RAF1: variants seen among roughly 807,000 people sequenced by gnomAD.
The protein encoded by RAF1 is RAF proto-oncogene serine/threonine-protein kinase.
In RAF1, 27 loss-of-function variants were observed where a neutral mutation model predicts 81.1. That is an observed-to-expected ratio of 0.33 (90% CI 0.25 to 0.46). The LOEUF is 0.46. Among genes scored for constraint, RAF1 ranks in the 20% least tolerant of loss-of-function variants. The pLI is 1.00. For missense variants in RAF1, 598 were observed against 826.0 expected (o/e 0.72, Z 3.38); for synonymous variants, 298 against 294.0 (o/e 1.01, Z -0.14).
intron 1 of RAF1, among the ~76,000 whole-genome samples, chr3:12,658,783 T>C (rs1436464843): frequency 1.3e-5 from 2 of 152,202 alleles, no homozygotes; most frequent in African/African-American, 4.8e-5. Flanking sequence ...TAAAACCGTG[T>C]GTCAAGTGTT....
intron 2 of RAF1, among the ~76,000 whole-genome samples, chr3:12,613,273 C>A (rs1559440323): frequency 6.6e-6 from 1 of 152,124 alleles, no homozygotes; most frequent in Non-Finnish European, 1.5e-5. Flanking sequence ...AAGAATTAAT[C>A]AAAAGTAAGG....
At chr3:12,629,556 T>C (rs1559462487) in intron 1 of RAF1, among the ~76,000 whole-genome samples, 2 of 152,200 alleles carry the variant, frequency 1.3e-5, no homozygotes, top group African/African-American at 4.8e-5. Context: ...GAGGAATCTA[T>C]GGACCATAAA....
rs1024191560 is a variant in RAF1 at position 12,583,754 on chromosome 3, G to C, written c.*760C>G. 4 of 232,886 alleles carry C rather than the reference G, an allele frequency of 1.7e-5. No homozygotes were observed. The highest frequency in any genetic ancestry group is 3.4e-5 in the Non-Finnish European group (4 of 117,910). 14.4% of individuals were successfully genotyped at this position (232,886 alleles called of 1,614,324 possible). A position where few individuals can be genotyped will look rare whatever the true frequency, so the allele number is the denominator to read the frequency against. ...TCCTTGTATACACATGATGTGACTA[G>C]AGAAACAAGGCTGTTTGTTTGTTTG... On this transcript the variant is annotated 3_prime_UTR_variant, in exon 18 of 18. Coordinates refer to ENST00000442415, the MANE Select transcript of RAF1 (RefSeq NM_001354689.3).
chr3:12,600,190 GCT>G lies in RAF1; in HGVS notation c.1010_1011del (p.Glu337AlafsTer14). The G allele has an allele frequency of 6.2e-7, 1 of 1,614,124 alleles. No individual in the cohort carries two copies. The highest frequency in any genetic ancestry group is 1.3e-5 in the African/African-American group (1 of 75,026). On this transcript the variant is annotated frameshift_variant, in exon 10 of 18. Coordinates refer to ENST00000442415, the MANE Select transcript of RAF1 (RefSeq NM_001354689.3). LOFTEE classifies it high-confidence loss of function. ...TCCTGGGTCCCAGATACTGGTGCCC[GCT>G]CTCTTTGTGCTGGCACGGGGGTTTT...
intron 5 of RAF1, 64 bp downstream of exon 5, chr3:12,608,702 A>G: frequency 1.3e-6 from 2 of 1,548,532 alleles, no homozygotes; most frequent in Non-Finnish European, 1.8e-6. Flanking sequence ...TCTACAACAA[A>G]TACCCTTTAA....
intron 5 of RAF1, among the ~76,000 whole-genome samples, chr3:12,607,835 G>A (rs1016209488): frequency 1.7e-4 from 25 of 149,802 alleles, no homozygotes; most frequent in African/African-American, 5.9e-4. Context: ...CCTGTAGTCT[G>A]AGCTACTCGG....
At chr3:12,629,296 G>A (rs1326790379) in intron 1 of RAF1, among the ~76,000 whole-genome samples, 1 of 152,074 alleles carries the variant, frequency 6.6e-6, no homozygotes, top group Non-Finnish European at 1.5e-5. Flanking sequence ...AGCTTGTTTG[G>A]CTATCTGAAC....
chr3:12,586,388 G>A (rs2058333756), intron 14 of RAF1, among the ~76,000 whole-genome samples: 1 of 151,998 alleles, frequency 6.6e-6, no homozygotes, highest in South Asian at 2.1e-4. Flanking sequence ...TACAGTTTAA[G>A]TCAAACTTGT....
At chr3:12,642,302 A>T (rs2060211989) in intron 1 of RAF1, among the ~76,000 whole-genome samples, 1 of 150,684 alleles carries the variant, frequency 6.6e-6, no homozygotes, top group Non-Finnish European at 1.5e-5. Context: ...TACAAAAAAA[A>T]AAAACCCCAA....
At chr3:12,604,036 C>T (rs2058946937) in intron 7 of RAF1, 100 bp downstream of exon 7, 2 of 1,355,996 alleles carry the variant, frequency 1.5e-6, no homozygotes, top group South Asian at 1.2e-5. Flanking sequence ...GAAAGTGTTG[C>T]AACATTCCTT....
In RAF1 at chr3:12,606,239, C is replaced by T. The variant is rs2125406640; in HGVS notation, c.642G>A (p.Met214Ile). The T allele has an allele frequency of 5.0e-6, 8 of 1,614,054 alleles. No individual in the cohort carries two copies. Among genetic ancestry groups the T allele is most frequent in the Non-Finnish European group, 6.8e-6 (8 of 1,179,918 alleles). The change falls in exon 6 of 18, where the codon ATG (methionine) becomes ATA (isoleucine). Residue 214 changes from methionine (M) to isoleucine (I), a missense_variant. By Grantham distance (10) the Met-to-Ile change is conservative. Transcript: ENST00000442415. ...TGGAAACAGACTCTCGCATACGACG[C>T]ATAGTCAAAGAAGGTAGTGCTGGGA...
intron 2 of RAF1, among the ~76,000 whole-genome samples, chr3:12,617,425 A>G (rs1308537721): frequency 1.3e-5 from 2 of 151,652 alleles, no homozygotes; most frequent in Admixed American, 6.6e-5. Context: ...TACTTTTTTG[A>G]ATTTTTTTTT....
At chr3:12,652,044 AAATAAATAAATG>A (rs1175577650) in intron 1 of RAF1, among the ~76,000 whole-genome samples, 16 of 149,870 alleles carry the variant, frequency 1.1e-4, no homozygotes, top group South Asian at 4.2e-4. Flanking sequence ...ATAAATAAAT[AAATAAATAAATG>A]ATATAAAAAA....
intron 1 of RAF1, among the ~76,000 whole-genome samples, chr3:12,634,318 T>TC (rs1221148320): frequency 4.0e-5 from 6 of 151,866 alleles, no homozygotes; most frequent in Admixed American, 2.0e-4. Context: ...GGCTAATTTT[T>TC]TTTTTTTTTT....
chr3:12,648,481 A>C (rs2060422020), intron 1 of RAF1, among the ~76,000 whole-genome samples: 1 of 152,160 alleles, frequency 6.6e-6, no homozygotes, highest in Non-Finnish European at 1.5e-5. Flanking sequence ...AATATAAGTG[A>C]ATCATTCATT....
At chr3:12,599,424 T>C (rs906143446) in intron 11 of RAF1, among the ~76,000 whole-genome samples, 10 of 152,228 alleles carry the variant, frequency 6.6e-5, no homozygotes, top group Admixed American at 6.5e-4. Flanking sequence ...GTGCAGACTG[T>C]ATTTAATCAG....
At chr3:12,653,170 T>C (rs965077788) in intron 1 of RAF1, among the ~76,000 whole-genome samples, 1 of 151,686 alleles carries the variant, frequency 6.6e-6, no homozygotes, top group African/African-American at 2.4e-5. Flanking sequence ...TAATCCTAGC[T>C]ACTTGGGAGA....
At chr3:12,634,523 A>G (rs567630417) in intron 1 of RAF1, among the ~76,000 whole-genome samples, 3 of 152,260 alleles carry the variant, frequency 2.0e-5, no homozygotes, top group Admixed American at 1.3e-4. Flanking sequence ...GAAACGGGAC[A>G]TCCAGCATAG....
chr3:12,610,439 T>C (rs17037008), intron 3 of RAF1, among the ~76,000 whole-genome samples: 2,897 of 152,314 alleles, frequency 0.019, 88 homozygotes, highest in African/African-American at 0.066. Flanking sequence ...AGTGACAATC[T>C]GCTGTCTGTC....
Sources: allele counts gnomAD v4.1 joint callset (sites outside exome capture counted in the v4.1 genomes callset), GRCh38; gene constraint gnomAD v4.1.1; transcripts MANE v1.5; gene names NCBI Gene and HGNC (gene_info 2026-07-23, HGNC 2026-07-21).